Variants in SIRT6 observed in about 807,000 individuals in gnomAD.
SIRT6 encodes the protein NAD-dependent protein deacylase sirtuin-6.
In SIRT6, 21 loss-of-function variants were observed where a neutral mutation model predicts 33.6. That is an observed-to-expected ratio of 0.62 (90% CI 0.44 to 0.90). The LOEUF is 0.90. Among genes scored for constraint, SIRT6 ranks in the 40% least tolerant of loss-of-function variants. The probability of loss-of-function intolerance (pLI) is 0.00; values close to 1 mark genes in which losing one functional copy is unlikely to be tolerated. For missense variants in SIRT6, 504 were observed against 510.6 expected (o/e 0.99, Z 0.12); for synonymous variants, 221 against 223.9 (o/e 0.99, Z 0.12).
Position 4,181,010 on chromosome 19 carries a change from A to T in SIRT6, c.67-101T>A, listed in dbSNP as rs1422652104. The T allele has an allele frequency of 2.8e-6, 4 of 1,449,428 alleles. No homozygotes were observed. The African/African-American group carries it at 5.7e-5, about 21-fold the overall frequency. The allele number at this position is 1,449,428 out of a possible 1,614,324, so 89.8% of individuals were successfully genotyped here. On this transcript the variant is annotated intron_variant, in intron 1 of 7. Coordinates refer to ENST00000337491, the MANE Select transcript of SIRT6 (RefSeq NM_016539.4). Reference sequence around the variant, plus strand: ...GAGCTGTCCCTGTCTTGCCTGAGGGAGGAAAATGGATTGGAAAAGGCAGCT... The same window carrying T: ...GAGCTGTCCCTGTCTTGCCTGAGGGTGGAAAATGGATTGGAAAAGGCAGCT...
intron 2 of SIRT6, chr19:4,179,601 C>T: frequency 7.0e-6 from 3 of 429,940 alleles, no homozygotes; most frequent in Non-Finnish European, 1.3e-5. Context: ...GCAAAAATGA[C>T]TTATTCTATT....
At chr19:4,181,807 A>G (rs188449082) in intron 1 of SIRT6, among the ~76,000 whole-genome samples, 1 of 152,186 alleles carries the variant, frequency 6.6e-6, no homozygotes, top group East Asian at 1.9e-4. Context: ...TAATAATAAT[A>G]ATAATAAAGT....
rs1004004433 is a variant in SIRT6 at position 4,182,454 on chromosome 19, G to C, written c.66+20C>G. 2 of 1,603,920 alleles carry C rather than the reference G, an allele frequency of 1.2e-6. No individual in the cohort carries two copies. The highest frequency in any genetic ancestry group is 8.5e-7 in the Non-Finnish European group (1 of 1,176,200). ...CCGCGGCCCTGGGGCGCGATGCTCG[G>C]GACCCTCAGACGCGCTCACCTCCGG... is the stretch of plus-strand genomic sequence containing the variant. On this transcript the variant is annotated intron_variant, in intron 1 of 7. Transcript: ENST00000337491.
rs1287233351 is a variant in SIRT6, at chr19:4,176,212, G to A, written c.438-275C>T. Reference sequence around the variant, plus strand: ...ATGGGATCCCGGACCAGGAGAAACAGGAACAATTGGAGCATGGGGGCGACA... The same window carrying A: ...ATGGGATCCCGGACCAGGAGAAACAAGAACAATTGGAGCATGGGGGCGACA... On this transcript the variant is annotated intron_variant, in intron 4 of 7. Transcript: ENST00000337491. Among the ~76,000 whole-genome samples, 3 of 152,238 alleles carry A rather than the reference G, an allele frequency of 2.0e-5. No homozygotes were observed. In the East Asian group the frequency reaches 5.8e-4, roughly 29 times the overall value.
In SIRT6 at chr19:4,174,598, C is replaced by A; in HGVS notation, c.*19G>T. The A allele has an allele frequency of 7.0e-7, 1 of 1,421,558 alleles. No homozygotes were observed. The highest frequency in any genetic ancestry group is 9.2e-7 in the Non-Finnish European group (1 of 1,085,016). 88.1% of individuals were successfully genotyped at this position (1,421,558 alleles called of 1,614,324 possible). A position where few individuals can be genotyped will look rare whatever the true frequency, so the allele number is the denominator to read the frequency against. On this transcript the variant is annotated 3_prime_UTR_variant, in exon 8 of 8. Transcript: ENST00000337491. This position sits in a 1 kb window ranked among gnomAD's most constrained non-coding sequence, Gnocchi z 4.2. ...TCCACAGTTTCTACAAAAAGCCCCACCCTCCCCAAGCACCCTGGTCAGCTG... is the reference window on the plus strand; with the variant it reads ...TCCACAGTTTCTACAAAAAGCCCCAACCTCCCCAAGCACCCTGGTCAGCTG...
At chr19:4,182,357 C>G (rs1344216188) in intron 1 of SIRT6, 117 bp downstream of exon 1, 1 of 1,045,644 alleles carries the variant, frequency 9.6e-7, no homozygotes, top group Non-Finnish European at 1.3e-6. Flanking sequence ...ACTGGGAAGT[C>G]CCTCCCATTG....
At chr19:4,176,965 C>T (rs1967339192) in intron 4 of SIRT6, 114 bp downstream of exon 4, 2 of 816,580 alleles carry the variant, frequency 2.4e-6, no homozygotes, top group Non-Finnish European at 3.9e-6. Flanking sequence ...CCCCAGATCC[C>T]CCCAGGAGGG....
chr19:4,180,357 T>G (rs1051764045), intron 2 of SIRT6, among the ~76,000 whole-genome samples: 5 of 151,558 alleles, frequency 3.3e-5, no homozygotes, highest in Non-Finnish European at 5.9e-5. Flanking sequence ...ATGAGGTGAG[T>G]GGAATGCTGG....
At chr19:4,182,452 C>G (rs758148376) in intron 1 of SIRT6, 22 bp downstream of exon 1, 3 of 1,603,322 alleles carry the variant, frequency 1.9e-6, no homozygotes, top group Admixed American at 3.4e-5. Flanking sequence ...GCGCGATGCT[C>G]GGGACCCTCA....
Position 4,176,998 on chromosome 19 carries a change from CCTCTGGGTCTCTGGGA to C in SIRT6, c.437+65_437+80del. On this transcript the variant is annotated intron_variant, in intron 4 of 7. Transcript: ENST00000337491. ...GGGCCACACCCCAGTCCCCCCATAC[CCTCTGGGTCTCTGGGA>C]CATCGGATTCGACCCCCAACCCCCT... The C allele has an allele frequency of 3.9e-6, 5 of 1,280,366 alleles. No homozygotes were observed. The Admixed American group carries it at 9.9e-5, about 25-fold the overall frequency. 79.3% of individuals were successfully genotyped at this position (1,280,366 alleles called of 1,614,324 possible).
At chr19:4,175,235 G>A (rs1967222241) in intron 6 of SIRT6, 84 bp from the exon 7 acceptor site, 3 of 1,496,630 alleles carry the variant, frequency 2.0e-6, no homozygotes, top group Admixed American at 2.0e-5. Context: ...TTCACACCTA[G>A]GCCATCTGTG....
At chr19:4,175,976 G>T in intron 4 of SIRT6, 39 bp from the exon 5 acceptor site, 1 of 1,527,584 alleles carries the variant, frequency 6.5e-7, no homozygotes, top group Non-Finnish European at 8.9e-7. Context: ...GACCAGGTGA[G>T]CTCCCATGGG....
intron 6 of SIRT6, 182 bp downstream of exon 6, chr19:4,175,491 ACCCAGAG>A (rs754954752): frequency 2.5e-5 from 16 of 640,886 alleles, no homozygotes; most frequent in Non-Finnish European, 4.2e-5. Context: ...TGTAGCACCC[ACCCAGAG>A]CCATGAGGTG....
At chr19:4,177,225 CAGGA>C in intron 3 of SIRT6, 87 bp from the exon 4 acceptor site, 2 of 1,317,738 alleles carry the variant, frequency 1.5e-6, no homozygotes, top group East Asian at 4.7e-5. Flanking sequence ...CCCTCTCCTC[CAGGA>C]AGGCTTCCCG....
rs200117989 is a variant in SIRT6 at position 4,179,212 on chromosome 19, C to T, written c.269G>A (p.Arg90Gln). 28 of 1,611,094 alleles carry T rather than the reference C, an allele frequency of 1.7e-5. No homozygotes were observed. In the East Asian group the frequency reaches 2.5e-4, roughly 14 times the overall value. Residue 90 changes from arginine to glutamine, a missense_variant, in exon 3 of 8, where the codon CGG (arginine) becomes CAG (glutamine). By Grantham distance (43) the Arg-to-Gln change is conservative. Transcript: ENST00000337491. ...CAGCGCCATGTGGGTCTGCGTGGGC[C>T]GCGCGCTCTCAAAGGTGGTGTCGAA... is the stretch of plus-strand genomic sequence containing the variant. ...PKFDTTFESARPTQTHMALVQ... is the reference protein window; with the variant it reads ...PKFDTTFESAQPTQTHMALVQ...
At chr19:4,179,887 G>A (rs1967524666) in intron 2 of SIRT6, among the ~76,000 whole-genome samples, 2 of 152,142 alleles carry the variant, frequency 1.3e-5, no homozygotes, top group South Asian at 4.1e-4. Context: ...TGGGTGCTGG[G>A]AAGAGCCCAT....
Position 4,182,493 on chromosome 19 carries a change from C to T in SIRT6, c.47G>A (p.Gly16Asp). ...GCTCACCTCCGGGAGGCCGCACTTG[C>T]CCTTGTCCGCGTACGGCGACAGCCC... ...AAGLSPYADK[G>D]KCGLPEIFDP... The change falls in exon 1 of 8, where the codon GGC (glycine) becomes GAC (aspartate). Residue 16 changes from glycine to aspartate, a missense_variant. Physicochemically the swap from Gly to Asp is moderately conservative, Grantham distance 94 (BLOSUM62 -1). Transcript: ENST00000337491. The T allele has an allele frequency of 6.2e-7, 1 of 1,611,384 alleles. No homozygotes were observed. The highest frequency in any genetic ancestry group is 8.5e-7 in the Non-Finnish European group (1 of 1,179,108).
Position 4,175,114 on chromosome 19 carries a change from G to T in SIRT6, c.652C>A (p.Gln218Lys). Reference protein sequence around the residue: ...DLSITLGTSLQIRPSGNLPLA... With the variant: ...DLSITLGTSLKIRPSGNLPLA... ...GGCAGGTTCCCGCTGGGCCGGATCT[G>T]CAGCGATGTACCCAGCGTGATGGAC... Residue 218 changes from glutamine to lysine, a missense_variant, in exon 7 of 8, where the codon CAG (glutamine) becomes AAG (lysine). Transcript: ENST00000337491. 6.3e-7 allele frequency: 1 copy of T among 1,594,718 alleles called. No homozygotes were observed.
Position 4,174,730 on chromosome 19 carries a change from G to T in SIRT6, c.955C>A (p.Pro319Thr). Reference sequence around the variant, plus strand: ...TCTGAGCCGTTGTGCTGGGCGCAGGGCTCCTGCTTGGGGCCGGCGGGGATA... The same window carrying T: ...TCTGAGCCGTTGTGCTGGGCGCAGGTCTCCTGCTTGGGGCCGGCGGGGATA... ...GSIPAGPKQE[P>T]CAQHNGSEPA... The change falls in exon 8 of 8, where the codon CCC becomes ACC. Residue 319 changes from proline (P) to threonine (T), a missense_variant. By Grantham distance (38) the Pro-to-Thr change is conservative. Transcript: ENST00000337491. This position sits in a 1 kb window ranked among gnomAD's most constrained non-coding sequence, Gnocchi z 4.2. 6.7e-7 allele frequency: 1 copy of T among 1,485,090 alleles called. No homozygotes were observed. The highest frequency in any genetic ancestry group is 9.0e-7 in the Non-Finnish European group (1 of 1,116,354). The allele number at this position is 1,485,090 out of a possible 1,614,324, so 92.0% of individuals were successfully genotyped here.
Sources: gnomAD v4.1 joint callset for allele counts (sites outside exome capture counted in the v4.1 genomes callset) on GRCh38, gnomAD v4.1.1 for gene constraint, Gnocchi (gnomAD v3.1) non-coding constraint, MANE v1.5 for transcripts, NCBI Gene and HGNC (gene_info 2026-07-23, HGNC 2026-07-21) for gene names.